Variants in FAF1 observed in about 807,000 individuals in gnomAD.
FAF1 encodes the protein Fas associated factor 1, also known as FAS-associated factor 1.
In FAF1, 25 loss-of-function variants were observed where a neutral mutation model predicts 92.5. The observed-to-expected ratio is 0.27, with a 90% CI of 0.20 to 0.38. The LOEUF (loss-of-function observed/expected upper bound fraction) is 0.38. FAF1 is among the 10% of genes least tolerant of loss of function. The pLI, the probability that FAF1 is intolerant of heterozygous loss-of-function variation, is 1.00. For missense variants in FAF1, 636 were observed against 793.3 expected, an observed-to-expected ratio of 0.80 and a Z score of 2.38; for synonymous variants, 234 against 273.2, an observed-to-expected ratio of 0.86 and a Z score of 1.42.
chr1:50,925,989 G>T (rs1164633509), intron 1 of FAF1, among the ~76,000 whole-genome samples: 1 of 152,230 alleles, frequency 6.6e-6, no homozygotes, highest in African/African-American at 2.4e-5. Context: ...GCTGAGGCAG[G>T]AGGGTCGCTT....
intron 8 of FAF1, among the ~76,000 whole-genome samples, chr1:50,615,816 C>T (rs761454231): frequency 2.0e-5 from 3 of 151,880 alleles, no homozygotes; most frequent in African/African-American, 4.8e-5. Context: ...TCATTTACTC[C>T]GTCAATAGTT....
At chr1:50,906,716 T>C (rs953490465) in intron 1 of FAF1, among the ~76,000 whole-genome samples, 15 of 152,244 alleles carry the variant, frequency 9.9e-5, no homozygotes, top group South Asian at 2.1e-4. Context: ...CTGTGATTTT[T>C]GCACATTGAT....
intron 8 of FAF1, among the ~76,000 whole-genome samples, chr1:50,608,961 T>G (rs1652564467): frequency 6.6e-6 from 1 of 152,062 alleles, no homozygotes; most frequent in African/African-American, 2.4e-5. Flanking sequence ...TGAATCTGTC[T>G]ATCAACCAAT....
At chr1:50,957,756 G>A (rs1196559199) in intron 1 of FAF1, among the ~76,000 whole-genome samples, 4 of 152,118 alleles carry the variant, frequency 2.6e-5, no homozygotes, top group African/African-American at 7.2e-5. Context: ...AAGGTTAACA[G>A]TTAAGCATAA....
intron 1 of FAF1, among the ~76,000 whole-genome samples, chr1:50,946,269 C>CA (rs1458048305): frequency 6.6e-6 from 1 of 152,228 alleles, no homozygotes; most frequent in African/African-American, 2.4e-5. Flanking sequence ...TAAGTTGTTA[C>CA]ACTGGGGAGG....
chr1:50,629,880 G>A (rs1198652101), intron 8 of FAF1, among the ~76,000 whole-genome samples: 1 of 152,066 alleles, frequency 6.6e-6, no homozygotes, highest in Admixed American at 6.6e-5. Flanking sequence ...CCAACATGGA[G>A]AAACCCCATC....
chr1:50,472,876 T>G (rs553058951), intron 18 of FAF1, among the ~76,000 whole-genome samples: 35 of 152,278 alleles, frequency 2.3e-4, no homozygotes, highest in African/African-American at 7.7e-4. Context: ...ACACTAGTCA[T>G]TTGACTTGAA....
At chr1:50,505,187 G>C (rs188423191) in intron 15 of FAF1, among the ~76,000 whole-genome samples, 2 of 152,282 alleles carry the variant, frequency 1.3e-5, no homozygotes, top group African/African-American at 4.8e-5. Context: ...TTAAATACCA[G>C]AACTGGGACC....
At chr1:50,747,633 C>A (rs534957564) in intron 4 of FAF1, among the ~76,000 whole-genome samples, 79 of 152,070 alleles carry the variant, frequency 5.2e-4, no homozygotes, top group Non-Finnish European at 1.0e-3. Context: ...TGGAGGACTG[C>A]TGAGAAGGGA....
At chr1:50,542,250 G>A (rs551994686) in intron 13 of FAF1, among the ~76,000 whole-genome samples, 4 of 152,282 alleles carry the variant, frequency 2.6e-5, no homozygotes, top group African/African-American at 9.6e-5. Context: ...TCAAGAGCCT[G>A]TAGGGCTGAT....
chr1:50,904,744 C>A (rs1005694647), intron 1 of FAF1, among the ~76,000 whole-genome samples: 25 of 152,076 alleles, frequency 1.6e-4, no homozygotes, highest in African/African-American at 6.0e-4. Context: ...GTTTACATTT[C>A]ACTTTTCCGT....
chr1:50,839,126 T>G (rs1644235841), intron 2 of FAF1, among the ~76,000 whole-genome samples: 1 of 152,072 alleles, frequency 6.6e-6, no homozygotes, highest in Non-Finnish European at 1.5e-5. Context: ...TTATTATATT[T>G]ATTACCCTGC....
At chr1:50,485,523 G>A (rs1388553523) in intron 17 of FAF1, among the ~76,000 whole-genome samples, 4 of 151,440 alleles carry the variant, frequency 2.6e-5, no homozygotes, top group African/African-American at 2.4e-5. Flanking sequence ...TTAGCCAGGC[G>A]TGGTGGCAGG....
intron 1 of FAF1, among the ~76,000 whole-genome samples, chr1:50,942,804 T>C (rs1396737200): frequency 6.6e-6 from 1 of 151,822 alleles, no homozygotes; most frequent in Admixed American, 6.6e-5. Context: ...AAGGCCAATT[T>C]CCCATAGGGT....
intron 15 of FAF1, among the ~76,000 whole-genome samples, chr1:50,510,204 T>G (rs1647116527): frequency 2.0e-5 from 3 of 151,244 alleles, no homozygotes; most frequent in Non-Finnish European, 4.4e-5. Flanking sequence ...AAAACTCCAG[T>G]AACTAGATTA....
chr1:50,491,005 A>AT (rs1228516970), intron 16 of FAF1, among the ~76,000 whole-genome samples: 1 of 151,938 alleles, frequency 6.6e-6, no homozygotes, highest in African/African-American at 2.4e-5. Context: ...ATCTAAAGCT[A>AT]TTTAATCAGC....
At chr1:50,736,747 G>A (rs946406977) in intron 6 of FAF1, among the ~76,000 whole-genome samples, 10 of 150,492 alleles carry the variant, frequency 6.6e-5, no homozygotes, top group South Asian at 2.1e-4. Flanking sequence ...GCGAAACTCC[G>A]TCTCCAAAAA....
chr1:50,890,025 C>T (rs1213418574), intron 1 of FAF1, among the ~76,000 whole-genome samples: 3 of 152,154 alleles, frequency 2.0e-5, no homozygotes, highest in Admixed American at 2.0e-4. Flanking sequence ...TCTCTAAGGA[C>T]TTGCTTTGTG....
intron 1 of FAF1, among the ~76,000 whole-genome samples, chr1:50,907,680 G>C (rs746671642): frequency 6.3e-4 from 96 of 152,080 alleles, no homozygotes; most frequent in African/African-American, 1.9e-3. Flanking sequence ...GTTGTTTATA[G>C]TATTCTCTGA....
Sources: allele counts gnomAD v4.1 joint callset (sites outside exome capture counted in the v4.1 genomes callset), GRCh38; gene constraint gnomAD v4.1.1; transcripts MANE v1.5; gene names NCBI Gene and HGNC (gene_info 2026-07-23, HGNC 2026-07-21).